Variants in SHISA6 observed in about 807,000 individuals in gnomAD.
SHISA6 encodes protein shisa-6.
Under a neutral mutation model 47.9 loss-of-function variants are expected in SHISA6, and 22 were observed. The observed-to-expected ratio is 0.46, with a 90% CI of 0.33 to 0.66. The LOEUF is 0.66. Ranked by LOEUF, SHISA6 falls within the 30% of genes least tolerant of loss-of-function variation. The pLI is 0.02. For missense variants in SHISA6, 680 were observed against 764.6 expected (o/e 0.89, Z 1.30); for synonymous variants, 388 against 337.8 (o/e 1.15, Z -1.63).
intron 3 of SHISA6, among the ~76,000 whole-genome samples, chr17:11,394,218 A>T (rs1037985625): frequency 6.6e-6 from 1 of 152,042 alleles, no homozygotes; most frequent in Non-Finnish European, 1.5e-5. Flanking sequence ...GGATGGATGG[A>T]TGGATAAATT....
At chr17:11,268,845 G>A (rs781635102) in intron 2 of SHISA6, among the ~76,000 whole-genome samples, 1 of 152,158 alleles carries the variant, frequency 6.6e-6, no homozygotes, top group African/African-American at 2.4e-5. Context: ...ACTTGGATGG[G>A]CGTAGGATCC....
At chr17:11,372,543 G>A (rs1912659947) in intron 2 of SHISA6, among the ~76,000 whole-genome samples, 1 of 151,678 alleles carries the variant, frequency 6.6e-6, no homozygotes, top group Admixed American at 6.6e-5. Context: ...CGTGTGTAGT[G>A]GGGTACTACC....
At chr17:11,245,781 A>G (rs1907558651) in intron 1 of SHISA6, among the ~76,000 whole-genome samples, 1 of 151,970 alleles carries the variant, frequency 6.6e-6, no homozygotes, top group African/African-American at 2.4e-5. Flanking sequence ...GGGTGGGAAG[A>G]AAAATCCAGG....
chr17:11,257,575 C>T (rs1476417038), intron 1 of SHISA6, among the ~76,000 whole-genome samples: 1 of 151,140 alleles, frequency 6.6e-6, no homozygotes, highest in East Asian at 2.0e-4. Flanking sequence ...GTGGGAGGAT[C>T]GCTTGAGCCC....
intron 3 of SHISA6, among the ~76,000 whole-genome samples, chr17:11,407,147 A>G (rs1305809903): frequency 1.3e-5 from 2 of 152,092 alleles, no homozygotes; most frequent in Non-Finnish European, 2.9e-5. Flanking sequence ...AGTACTTTAC[A>G]TATATTAACT....
chr17:11,431,497 G>C (rs897793794), intron 3 of SHISA6, among the ~76,000 whole-genome samples: 3 of 152,186 alleles, frequency 2.0e-5, no homozygotes, highest in Non-Finnish European at 4.4e-5. Context: ...ATGGTCCAAG[G>C]AGGAAGCATC....
intron 3 of SHISA6, among the ~76,000 whole-genome samples, chr17:11,519,223 G>A (rs1315915982): frequency 1.3e-5 from 2 of 152,168 alleles, no homozygotes; most frequent in Non-Finnish European, 2.9e-5. Flanking sequence ...ACAATAGCCA[G>A]GAGGTAGAAG....
chr17:11,296,462 A>G (rs1909754285), intron 2 of SHISA6, among the ~76,000 whole-genome samples: 1 of 152,156 alleles, frequency 6.6e-6, no homozygotes, highest in African/African-American at 2.4e-5. Context: ...TATGGATTAG[A>G]AAGGGAGTAA....
intron 2 of SHISA6, among the ~76,000 whole-genome samples, chr17:11,357,928 A>G (rs976854244): frequency 6.6e-6 from 1 of 152,172 alleles, no homozygotes; most frequent in Non-Finnish European, 1.5e-5. Context: ...TTGCCTGTTA[A>G]TGTCCATGGC....
chr17:11,449,725 C>T (rs1299230145), intron 3 of SHISA6, among the ~76,000 whole-genome samples: 1 of 152,174 alleles, frequency 6.6e-6, no homozygotes, highest in Non-Finnish European at 1.5e-5. Flanking sequence ...GGCCAGAAAC[C>T]TCCACACCTG....
chr17:11,550,499 G>A (rs191863099), intron 3 of SHISA6, among the ~76,000 whole-genome samples: 1 of 152,174 alleles, frequency 6.6e-6, no homozygotes, highest in African/African-American at 2.4e-5. Context: ...TGACAAAAAG[G>A]TCTATTATGG....
intron 3 of SHISA6, among the ~76,000 whole-genome samples, chr17:11,420,014 G>A (rs1450603165): frequency 6.6e-6 from 1 of 152,086 alleles, no homozygotes; most frequent in Non-Finnish European, 1.5e-5. Context: ...GACCAGCCTG[G>A]CCAACATGGT....
intron 3 of SHISA6, among the ~76,000 whole-genome samples, chr17:11,517,786 T>C (rs1472091532): frequency 6.6e-6 from 1 of 152,096 alleles, no homozygotes; most frequent in Non-Finnish European, 1.5e-5. Context: ...TTTACAGGCT[T>C]GAGCCACCAC....
chr17:11,371,755 C>T (rs1342784074), intron 2 of SHISA6, among the ~76,000 whole-genome samples: 1 of 151,820 alleles, frequency 6.6e-6, no homozygotes, highest in Admixed American at 6.6e-5. Flanking sequence ...AAAAATGGCC[C>T]ATGAGCCCAC....
chr17:11,477,143 A>G (rs987983503), intron 3 of SHISA6, among the ~76,000 whole-genome samples: 1 of 152,082 alleles, frequency 6.6e-6, no homozygotes, highest in African/African-American at 2.4e-5. Flanking sequence ...CTTGCAATCT[A>G]TATGTGTCTT....
rs115871507 is a variant in SHISA6 at position 11,371,179 on chromosome 17, C to T, written c.800-8235C>T. 2.6e-4 allele frequency among the ~76,000 whole-genome samples: 40 copies of T among 152,318 alleles called. 1 individual carries two copies. The highest frequency in any genetic ancestry group is 8.4e-4 in the African/African-American group (35 of 41,572). On this transcript the variant is annotated intron_variant, in intron 2 of 5. Coordinates refer to ENST00000441885, the MANE Select transcript of SHISA6 (RefSeq NM_207386.4). ...AGACCTGGCCTGCCCCAGTTTACCT[C>T]GGTAAGAGCAAGCTCAGAAGCTGCC...
At chr17:11,459,047 T>TA (rs59949072) in intron 3 of SHISA6, among the ~76,000 whole-genome samples, 7,058 of 145,494 alleles carry the variant, frequency 0.049, 541 homozygotes, top group African/African-American at 0.16. Context: ...CCGTCTCTAC[T>TA]AAAAAAAAAA....
intron 3 of SHISA6, among the ~76,000 whole-genome samples, chr17:11,397,693 G>A (rs904938915): frequency 2.0e-5 from 3 of 149,550 alleles, no homozygotes; most frequent in African/African-American, 7.4e-5. Context: ...TTTTTGAGAC[G>A]TCTGATGACA....
rs1025471589 is a variant in SHISA6 at position 11,247,169 on chromosome 17, A to G, written c.638+5109A>G. On this transcript the variant is annotated intron_variant, in intron 1 of 5. Transcript: ENST00000441885. ...TTGACCGTGCAGTGGATTCAAATCA[A>G]TTGTGCAGGAAACAGTGGTTAAGAC... Among the ~76,000 whole-genome samples the G allele has an allele frequency of 4.6e-5, 7 of 152,202 alleles. No individual in the cohort carries two copies. In the South Asian group the frequency reaches 6.2e-4, roughly 13 times the overall value.
Sources: gnomAD v4.1 joint callset for allele counts (sites outside exome capture counted in the v4.1 genomes callset) on GRCh38, gnomAD v4.1.1 for gene constraint, MANE v1.5 for transcripts, NCBI Gene and HGNC (gene_info 2026-07-23, HGNC 2026-07-21) for gene names.